Variants in NTNG2 observed in about 807,000 individuals in gnomAD.
NTNG2 encodes the protein netrin G2, also known as netrin-G2.
Under a neutral mutation model 47.6 loss-of-function variants are expected in NTNG2, and 15 were observed. That is an observed-to-expected ratio of 0.32 (90% CI 0.21 to 0.49). The LOEUF (loss-of-function observed/expected upper bound fraction) is 0.49. Among genes scored for constraint, NTNG2 ranks in the 20% least tolerant of loss-of-function variants. NTNG2 has a pLI of 0.99. For synonymous variants in NTNG2, 307 were observed against 324.6 expected, an observed-to-expected ratio of 0.95 and a Z score of 0.58; for missense variants, 578 against 764.6, an observed-to-expected ratio of 0.76 and a Z score of 2.88.
At chr9:132,167,958 G>A (rs972722014) in intron 2 of NTNG2, among the ~76,000 whole-genome samples, 1 of 152,148 alleles carries the variant, frequency 6.6e-6, no homozygotes, top group African/African-American at 2.4e-5. Flanking sequence ...CTGCAAAATG[G>A]GCACACTAAG....
chr9:132,166,667 A>T lies in NTNG2; in HGVS notation c.-165A>T. 1.6e-6 allele frequency: 1 copy of T among 635,138 alleles called. No individual in the cohort carries two copies. 39.3% of individuals were successfully genotyped at this position (635,138 alleles called of 1,614,324 possible). ...CCGTGTCGGCCTTTTGGAAACAACA[A>T]GTTCCTCGCTGTTTGCAAAGCTTCA... On this transcript the variant is annotated 5_prime_UTR_variant, in exon 2 of 8. The change creates a new upstream start codon in the 5' untranslated region. Coordinates refer to ENST00000393229, the MANE Select transcript of NTNG2 (RefSeq NM_032536.4).
upstream of NTNG2, chr9:132,162,057 C>G (rs879679462): frequency 1.4e-4 from 21 of 149,334 alleles, no homozygotes; most frequent in Middle Eastern, 3.1e-3. The surrounding 1 kb of genome is among the most constrained non-coding windows in gnomAD (Gnocchi z 4.6). Flanking sequence ...TCCCTGGCCC[C>G]GATCTGACGG....
chr9:132,213,703 C>A (rs1839774136), intron 3 of NTNG2, among the ~76,000 whole-genome samples: 1 of 151,888 alleles, frequency 6.6e-6, no homozygotes, highest in African/African-American at 2.4e-5. Flanking sequence ...TGTTTTTTCC[C>A]AAAACAAAAG....
chr9:132,207,133 G>C (rs1324954505), intron 3 of NTNG2, among the ~76,000 whole-genome samples: 1 of 152,254 alleles, frequency 6.6e-6, no homozygotes, highest in Non-Finnish European at 1.5e-5. Context: ...GCCTAAGAAG[G>C]CATTTCCTCT....
At position 132,240,980 on chromosome 9, in the gene NTNG2, G is replaced by A. The variant is rs765974149; in HGVS notation, c.1293G>A (p.Glu431=). The stretch of plus-strand genomic sequence containing the variant: ...AGACCGGCTTCTGCGAGTGCCGCGA[G>A]GGCGCGGCGGGCCCCAAGTGCGACG... ...CNETGFCECR[E]GAAGPKCDDC... Residue 431 remains glutamate (E), a synonymous_variant, in exon 7 of 8, where the codon GAG becomes GAA. Coordinates refer to ENST00000393229, the MANE Select transcript of NTNG2 (RefSeq NM_032536.4). 6.2e-7 allele frequency: 1 copy of A among 1,611,200 alleles called. No individual in the cohort carries two copies. Among genetic ancestry groups the A allele is most frequent in the South Asian group, 1.1e-5 (1 of 91,016 alleles).
chr9:132,230,448 GCAGGTGCTCTTGAGGGAGCGACACCTC>G (rs1309666142), intron 4 of NTNG2, 97 bp from the exon 5 acceptor site: 36 of 790,814 alleles, frequency 4.6e-5, no homozygotes, highest in Non-Finnish European at 7.2e-5. Context: ...GTGTGGTGGA[GCAGGTGCTCTTGAGGGAGCGACACCTC>G]CAGGTGCTCC....
chr9:132,217,347 G>A (rs1840061428), intron 3 of NTNG2, among the ~76,000 whole-genome samples: 2 of 152,184 alleles, frequency 1.3e-5, no homozygotes, highest in Non-Finnish European at 2.9e-5. Context: ...GGAAGGGTGT[G>A]CCTGTGTCTG....
chr9:132,227,802 C>T (rs977670751), intron 4 of NTNG2, among the ~76,000 whole-genome samples: 3 of 152,208 alleles, frequency 2.0e-5, no homozygotes, highest in African/African-American at 7.2e-5. Context: ...CTAGCGTAGT[C>T]CACACTGTCT....
rs1199246893 is a variant in NTNG2, at chr9:132,216,381, CCTCT to C, written c.858-10437_858-10434del. On this transcript the variant is annotated intron_variant, in intron 3 of 7. Coordinates refer to ENST00000393229, the MANE Select transcript of NTNG2 (RefSeq NM_032536.4). ...GGTAAGAATCTGGCTGCTGACTCAG[CCTCT>C]CTCTCTCTCTCTCTCTCTCTCTCTC... Among the ~76,000 whole-genome samples the C allele has an allele frequency of 3.9e-3, 471 of 120,822 alleles. 3 individuals are homozygous for C. The highest frequency in any genetic ancestry group is 0.015 in the East Asian group (64 of 4,192). The allele number at this position is 120,822 out of a possible 152,430, so 79.3% of individuals were successfully genotyped here.
chr9:132,180,711 C>A lies in NTNG2; in HGVS notation c.213+13667C>A, dbSNP rs1187648193. Among the ~76,000 whole-genome samples the A allele has an allele frequency of 6.6e-6, 1 of 152,148 alleles. No individual in the cohort carries two copies. The highest frequency in any genetic ancestry group is 2.4e-5 in the African/African-American group (1 of 41,424). On this transcript the variant is annotated intron_variant, in intron 2 of 7. Transcript: ENST00000393229. This position sits in a 1 kb window ranked among gnomAD's most constrained non-coding sequence, Gnocchi z 4.2. The stretch of plus-strand genomic sequence containing the variant: ...CGGAGAGAGAGAGAAAGAGAAAGAA[C>A]GATAGAGAGATGCAATAACCTCCCA...
At chr9:132,179,293 G>A (rs1263051580) in intron 2 of NTNG2, among the ~76,000 whole-genome samples, 2 of 152,222 alleles carry the variant, frequency 1.3e-5, no homozygotes, top group Admixed American at 6.5e-5. Flanking sequence ...GGTCAGTGAG[G>A]GTGATACATC....
In NTNG2 at chr9:132,197,343, C is replaced by T. The variant is rs1002148582; in HGVS notation, c.214-623C>T. Among the ~76,000 whole-genome samples, 2 of 152,070 alleles carry T rather than the reference C, an allele frequency of 1.3e-5. No individual in the cohort carries two copies. The highest frequency in any genetic ancestry group is 1.9e-4 in the East Asian group (1 of 5,192). ...GGTGGAGGTTGCTGTGAGCCGAGAT[C>T]GCCCCACTGCACTCCATCCTGGGAA... On this transcript the variant is annotated intron_variant, in intron 2 of 7. Coordinates refer to ENST00000393229, the MANE Select transcript of NTNG2 (RefSeq NM_032536.4). The surrounding 1 kb of genome is among the most constrained non-coding windows in gnomAD (Gnocchi z 4.3).
chr9:132,181,001 G>A (rs116492793), intron 2 of NTNG2, among the ~76,000 whole-genome samples: 1,624 of 152,362 alleles, frequency 0.011, 25 homozygotes, highest in African/African-American at 0.036. Flanking sequence ...TCTGGCCTGA[G>A]CAGGTTCTGC....
At chr9:132,181,510 A>T (rs1052745297) in intron 2 of NTNG2, among the ~76,000 whole-genome samples, 1 of 151,968 alleles carries the variant, frequency 6.6e-6, no homozygotes, top group East Asian at 1.9e-4. Context: ...TAGTAGAGAC[A>T]AAGTTTCACC....
intron 3 of NTNG2, among the ~76,000 whole-genome samples, chr9:132,211,110 G>T (rs370923345): frequency 1.3e-5 from 2 of 152,120 alleles, no homozygotes; most frequent in East Asian, 3.9e-4. Flanking sequence ...GTTCACCAGA[G>T]GCCTTGGCTT....
chr9:132,180,433 G>A lies in NTNG2; in HGVS notation c.213+13389G>A, dbSNP rs1427558810. The stretch of plus-strand genomic sequence containing the variant: ...GCAAGTGGAGAAGGCTGTTAATCCA[G>A]AACGCACCTTGTCTCTGCCCCTGTC... On this transcript the variant is annotated intron_variant, in intron 2 of 7. Transcript: ENST00000393229. The surrounding 1 kb of genome is among the most constrained non-coding windows in gnomAD (Gnocchi z 4.2). 6.6e-6 allele frequency among the ~76,000 whole-genome samples: 1 copy of A among 152,200 alleles called. No individual in the cohort carries two copies. Among genetic ancestry groups the A allele is most frequent in the Non-Finnish European group, 1.5e-5 (1 of 68,042 alleles).
intron 2 of NTNG2, among the ~76,000 whole-genome samples, chr9:132,196,212 C>T (rs1036159852): frequency 2.0e-5 from 3 of 151,992 alleles, no homozygotes; most frequent in African/African-American, 7.3e-5. Flanking sequence ...TTGTTTGATA[C>T]GGAGTTTCAC....
At chr9:132,211,423 G>A (rs775323369) in intron 3 of NTNG2, among the ~76,000 whole-genome samples, 9 of 152,118 alleles carry the variant, frequency 5.9e-5, no homozygotes, top group Non-Finnish European at 1.3e-4. Flanking sequence ...CACAAACCCA[G>A]TCACTTCTCT....
chr9:132,241,294 C>T (rs1040974279), intron 7 of NTNG2: 2 of 537,982 alleles, frequency 3.7e-6, no homozygotes, highest in Admixed American at 3.6e-5. Flanking sequence ...GGATAGTTGG[C>T]AGGGGCCTGG....
Sources: gnomAD v4.1 joint callset for allele counts (sites outside exome capture counted in the v4.1 genomes callset) on GRCh38, gnomAD v4.1.1 for gene constraint, Gnocchi (gnomAD v3.1) non-coding constraint, MANE v1.5 for transcripts, NCBI Gene and HGNC (gene_info 2026-07-23, HGNC 2026-07-21) for gene names.